KMT2B: variants seen among roughly 807,000 people sequenced by gnomAD.
The protein encoded by KMT2B is histone-lysine N-methyltransferase 2B.
Under a neutral mutation model 255.3 loss-of-function variants are expected in KMT2B, and 22 were observed. That is an observed-to-expected ratio of 0.09 (90% CI 0.06 to 0.12). The LOEUF (loss-of-function observed/expected upper bound fraction) is 0.12. Ranked by LOEUF, KMT2B falls within the 10% of genes least tolerant of loss-of-function variation. The pLI is 1.00. For synonymous variants in KMT2B, 1,730 were observed against 1,498.1 expected, an observed-to-expected ratio of 1.15 and a Z score of -3.57; for missense variants, 3,149 against 3,737.0, an observed-to-expected ratio of 0.84 and a Z score of 4.10.
intron 8 of KMT2B, 81 bp downstream of exon 8, chr19:35,724,088 C>T: frequency 7.4e-7 from 1 of 1,349,882 alleles, no homozygotes. Context: ...GGCACCCAGA[C>T]CCAGGGCTCT....
rs1435387618 is a variant in KMT2B, at chr19:35,721,368, C to T, written c.2021C>T (p.Pro674Leu). 3 of 1,596,888 alleles carry T rather than the reference C, an allele frequency of 1.9e-6. No homozygotes were observed. The highest frequency in any genetic ancestry group is 2.6e-6 in the Non-Finnish European group (3 of 1,172,904). The change falls in exon 3 of 37, where the codon CCT (proline) becomes CTT (leucine). Residue 674 changes from proline (P) to leucine (L), a missense_variant. Pro to Leu is a moderately conservative substitution (Grantham distance 98). Coordinates refer to ENST00000420124, the MANE Select transcript of KMT2B (RefSeq NM_014727.3). The stretch of plus-strand genomic sequence containing the variant: ...CTTACTCCTCCTCCTCTTGGGGCTC[C>T]TGAAGCCCCTGAGCCAGAGCCTCCT... ...SVLTPPPLGA[P>L]EAPEPEPPPA...
chr19:35,736,273 G>A (rs1318353062), intron 30 of KMT2B: 2 of 171,438 alleles, frequency 1.2e-5, no homozygotes, highest in East Asian at 3.1e-4. Flanking sequence ...TTTTATGTTT[G>A]TAACAGTTAC....
chr19:35,721,031 G>C lies in KMT2B; in HGVS notation c.1684G>C (p.Val562Leu). ...PKPPKVEVSP[V>L]LRPPITTSPP... The stretch of plus-strand genomic sequence containing the variant: ...ACCCCCAAAGGTGGAGGTCTCACCT[G>C]TCCTGCGACCTCCCATTACCACCTC... Residue 562 changes from valine to leucine, a missense_variant, in exon 3 of 37, where the codon GTC becomes CTC. By Grantham distance (32) the Val-to-Leu change is conservative. Coordinates refer to ENST00000420124, the MANE Select transcript of KMT2B (RefSeq NM_014727.3). The C allele has an allele frequency of 1.2e-6, 2 of 1,606,986 alleles. No homozygotes were observed. The highest frequency in any genetic ancestry group is 1.7e-6 in the Non-Finnish European group (2 of 1,177,862).
chr19:35,727,495 C>T lies in KMT2B; in HGVS notation c.4175C>T (p.Pro1392Leu), dbSNP rs756623563. The change falls in exon 16 of 37, where the codon CCG (proline) becomes CTG (leucine). Residue 1392 changes from proline to leucine, a missense_variant. Coordinates refer to ENST00000420124, the MANE Select transcript of KMT2B (RefSeq NM_014727.3). This position sits in a 1 kb window ranked among gnomAD's most constrained non-coding sequence, Gnocchi z 4.2. ...GACTCGGTGCTGTACACCTGCGGAC[C>T]GTGTGCTGGGGCAGCGCAGCCCCGC... ...LPDSVLYTCG[P>L]CAGAAQPRWR... is the part of the protein sequence containing the mutation. 1.3e-5 allele frequency: 21 copies of T among 1,612,074 alleles called. No individual in the cohort carries two copies. Among genetic ancestry groups the T allele is most frequent in the African/African-American group, 2.7e-5 (2 of 74,920 alleles).
chr19:35,724,681 C>T lies in KMT2B; in HGVS notation c.3379C>T (p.Pro1127Ser). 2.5e-6 allele frequency: 4 copies of T among 1,603,314 alleles called. No homozygotes were observed. Among genetic ancestry groups the T allele is most frequent in the Non-Finnish European group, 3.4e-6 (4 of 1,175,338 alleles). ...EPEEQSRPRKPTLQPVLQLKA... is the reference protein window; with the variant it reads ...EPEEQSRPRKSTLQPVLQLKA... ...TGAGGAGCAGAGCCGGCCCCGCAAA[C>T]CTACCCTGCAGCCTGTGTTGCAGCT... Residue 1127 changes from proline (P) to serine (S), a missense_variant, in exon 9 of 37, where the codon CCT (proline) becomes TCT (serine). By Grantham distance (74) the Pro-to-Ser change is moderately conservative. Coordinates refer to ENST00000420124, the MANE Select transcript of KMT2B (RefSeq NM_014727.3).
intron 22 of KMT2B, 37 bp from the exon 23 acceptor site, chr19:35,729,930 C>T (rs1256810196): frequency 1.9e-6 from 3 of 1,593,366 alleles, no homozygotes; most frequent in Admixed American, 1.7e-5. Context: ...CCAGCCCCAG[C>T]CCTGGCTTCT....
rs1969633820 is a variant in KMT2B at position 35,730,145 on chromosome 19, T to A, written c.5076+20T>A. The A allele has an allele frequency of 1.9e-6, 3 of 1,612,984 alleles. No homozygotes were observed. The East Asian group carries it at 6.7e-5, about 36-fold the overall frequency. On this transcript the variant is annotated intron_variant, in intron 23 of 36. Transcript: ENST00000420124. ...GGCAAGGTGGGCCAGAACTGTGGGG[T>A]ACACGGTTCCTTCCCCACCTCTCTT...
rs1353688686 is a variant in KMT2B, at chr19:35,720,727, G to T, written c.1380G>T (p.Val460=). 1 of 1,473,862 alleles carries T rather than the reference G, an allele frequency of 6.8e-7. No individual in the cohort carries two copies. The highest frequency in any genetic ancestry group is 2.6e-5 in the Admixed American group (1 of 38,586). The allele number at this position is 1,473,862 out of a possible 1,614,324, so 91.3% of individuals were successfully genotyped here. ...QEEQEESPPP[V]VPATCSRKRG... ...AGCAGGAGGAATCCCCTCCTCCTGT[G>T]GTCCCAGCTACGTGCTCCAGGAAGA... Residue 460 remains valine, a synonymous_variant, in exon 3 of 37, where the codon GTG becomes GTT. Transcript: ENST00000420124.
Position 35,730,217 on chromosome 19 carries a change from C to T in KMT2B, c.5076+92C>T, listed in dbSNP as rs1969637772. On this transcript the variant is annotated intron_variant, in intron 23 of 36. Coordinates refer to ENST00000420124, the MANE Select transcript of KMT2B (RefSeq NM_014727.3). ...GTGGCCCCCAGGCCTGGCCCTACTGCCTCTCAGTGTCTCCTCATCTGTTTT... is the reference window on the plus strand; with the variant it reads ...GTGGCCCCCAGGCCTGGCCCTACTGTCTCTCAGTGTCTCCTCATCTGTTTT... 4 of 1,597,756 alleles carry T rather than the reference C, an allele frequency of 2.5e-6. No individual in the cohort carries two copies. The South Asian group carries it at 3.4e-5, about 13-fold the overall frequency.
chr19:35,727,037 A>T lies in KMT2B; in HGVS notation c.4004-119A>T. 3 of 511,178 alleles carry T rather than the reference A, an allele frequency of 5.9e-6. No individual in the cohort carries two copies. Among genetic ancestry groups the T allele is most frequent in the Admixed American group, 3.3e-5 (1 of 30,536 alleles). 31.7% of individuals were successfully genotyped at this position (511,178 alleles called of 1,614,324 possible). A position where few individuals can be genotyped will look rare whatever the true frequency, so the allele number is the denominator to read the frequency against. ...CCTCAAGGAGCTTTTAGGGACTAGT[A>T]GGGGCCCAAAACAGGGGCATAGTGG... On this transcript the variant is annotated intron_variant, in intron 14 of 36. Transcript: ENST00000420124. This position sits in a 1 kb window ranked among gnomAD's most constrained non-coding sequence, Gnocchi z 4.2.
rs1969109503 is a variant in KMT2B, at chr19:35,719,831, C to T, written c.484C>T (p.Pro162Ser). ...TCGCAAGCATAAGACGACCCCCCTT[C>T]CTCCTCCTCGCCTAGCAGATGTGGC... ...RGRKHKTTPLPPPRLADVAPT... is the reference protein window; with the variant it reads ...RGRKHKTTPLSPPRLADVAPT... The change falls in exon 3 of 37, where the codon CCT becomes TCT. Residue 162 changes from proline to serine, a missense_variant. By Grantham distance (74) the Pro-to-Ser change is moderately conservative. Coordinates refer to ENST00000420124, the MANE Select transcript of KMT2B (RefSeq NM_014727.3). 6.2e-7 allele frequency: 1 copy of T among 1,610,528 alleles called. No homozygotes were observed. Among genetic ancestry groups the T allele is most frequent in the Admixed American group, 1.7e-5 (1 of 59,380 alleles).
In KMT2B at chr19:35,725,395, C is replaced by T. The variant is rs961080439; in HGVS notation, c.3642+62C>T. ...TCTGTCGGTCCTCACGGCCTGATTC[C>T]TTGGGCCCTCTCAGCTGGGTCTCAT... On this transcript the variant is annotated intron_variant, in intron 11 of 36. Coordinates refer to ENST00000420124, the MANE Select transcript of KMT2B (RefSeq NM_014727.3). This position sits in a 1 kb window ranked among gnomAD's most constrained non-coding sequence, Gnocchi z 4.1. 1.9e-6 allele frequency: 3 copies of T among 1,577,392 alleles called. 1 individual carries two copies. The highest frequency in any genetic ancestry group is 2.3e-5 in the South Asian group (2 of 87,808).
In KMT2B at chr19:35,720,401, C is replaced by A; in HGVS notation, c.1054C>A (p.Pro352Thr). ...AGTTGGATCTGGACAGGGAGGGAGC[C>A]CTTGCTGGAAAAAGCAGGAACAGAA... ...RRVGSGQGGS[P>T]CWKKQEQKLD... The change falls in exon 3 of 37, where the codon CCT becomes ACT. Residue 352 changes from proline (P) to threonine (T), a missense_variant. Around this residue, in one of 18 missense-constraint regions of KMT2B, gnomAD observed 1,188 missense variants for 1,106.4 expected, o/e 1.07. Transcript: ENST00000420124. The A allele has an allele frequency of 6.4e-7, 1 of 1,572,458 alleles. No individual in the cohort carries two copies. Among genetic ancestry groups the A allele is most frequent in the Non-Finnish European group, 8.6e-7 (1 of 1,158,714 alleles).
In KMT2B at chr19:35,725,661, C is replaced by T. The variant is rs751935768; in HGVS notation, c.3789+36C>T. 6.2e-6 allele frequency: 10 copies of T among 1,612,562 alleles called. No homozygotes were observed. In the African/African-American group the frequency reaches 9.3e-5, roughly 15 times the overall value. On this transcript the variant is annotated intron_variant, in intron 12 of 36. Transcript: ENST00000420124. The surrounding 1 kb of genome is among the most constrained non-coding windows in gnomAD (Gnocchi z 4.1). ...AAGGGCTGGCCAGGGTGGGTGGAGG[C>T]CTGAAGGTGAGGGCATCCCTGTGCC...
chr19:35,734,972 C>T (rs1969862167), intron 30 of KMT2B, among the ~76,000 whole-genome samples: 1 of 152,168 alleles, frequency 6.6e-6, no homozygotes, highest in African/African-American at 2.4e-5. Flanking sequence ...AGGTCCCTGT[C>T]CTCAGGGATC....
chr19:35,735,844 C>T (rs1277838799), intron 30 of KMT2B: 2 of 152,324 alleles, frequency 1.3e-5, no homozygotes, highest in African/African-American at 4.8e-5. Flanking sequence ...CATCCCCCTT[C>T]TTCACATCCA....
At chr19:35,726,690 GC>G (rs1453057564) in intron 14 of KMT2B, among the ~76,000 whole-genome samples, 1 of 152,092 alleles carries the variant, frequency 6.6e-6, no homozygotes, top group Non-Finnish European at 1.5e-5. Context: ...CTGAAAAGAG[GC>G]CTCATCCTAA....
chr19:35,732,287 C>T lies in KMT2B; in HGVS notation c.5738C>T (p.Ser1913Phe). 6.2e-7 allele frequency: 1 copy of T among 1,610,926 alleles called. No homozygotes were observed. The highest frequency in any genetic ancestry group is 8.5e-7 in the Non-Finnish European group (1 of 1,178,666). ...DPDFPAPPRRSRRPSPLAPRP... is the reference protein window; with the variant it reads ...DPDFPAPPRRFRRPSPLAPRP... ...GACTTCCCAGCTCCCCCCAGACGTT[C>T]CCGTCGTCCCAGCCCTTTGGCTCCC... is the stretch of plus-strand genomic sequence containing the variant. Residue 1913 changes from serine to phenylalanine, a missense_variant, in exon 28 of 37, where the codon TCC becomes TTC. Coordinates refer to ENST00000420124, the MANE Select transcript of KMT2B (RefSeq NM_014727.3).
In KMT2B at chr19:35,725,876, A is replaced by G. The variant is rs1969418598; in HGVS notation, c.3885+58A>G. On this transcript the variant is annotated intron_variant, in intron 13 of 36. Transcript: ENST00000420124. This position sits in a 1 kb window ranked among gnomAD's most constrained non-coding sequence, Gnocchi z 4.1. ...TCTAATGAATATCACCACCACCCCCAAACTTGCTCTAGGCTGGGGCTCTCA... is the reference window on the plus strand; with the variant it reads ...TCTAATGAATATCACCACCACCCCCGAACTTGCTCTAGGCTGGGGCTCTCA... 2 of 1,415,800 alleles carry G rather than the reference A, an allele frequency of 1.4e-6. No homozygotes were observed. The highest frequency in any genetic ancestry group is 2.0e-6 in the Non-Finnish European group (2 of 1,024,414). The allele number at this position is 1,415,800 out of a possible 1,614,324, so 87.7% of individuals were successfully genotyped here.
Sources: allele counts gnomAD v4.1 joint callset (sites outside exome capture counted in the v4.1 genomes callset), GRCh38; gene constraint gnomAD v4.1.1; regional missense constraint gnomAD v4.1.1; non-coding constraint Gnocchi (gnomAD v3.1); transcripts MANE v1.5; gene names NCBI Gene and HGNC (gene_info 2026-07-23, HGNC 2026-07-21).